Variants in KIDINS220 observed in about 807,000 individuals in gnomAD.
The protein encoded by KIDINS220 is kinase D interacting substrate 220.
In KIDINS220, 63 loss-of-function variants were observed where a neutral mutation model predicts 157.6. The observed-to-expected ratio is 0.40, with a 90% confidence interval of 0.33 to 0.49. KIDINS220 has a LOEUF of 0.49. Ranked by LOEUF, KIDINS220 falls within the 20% of genes least tolerant of loss-of-function variation. The pLI, the probability that KIDINS220 is intolerant of heterozygous loss-of-function variation, is 0.66. For missense variants in KIDINS220, 1,772 were observed against 2,171.2 expected, an observed-to-expected ratio of 0.82 and a Z score of 3.65; for synonymous variants, 732 against 783.6, an observed-to-expected ratio of 0.93 and a Z score of 1.10.
At position 8,729,546 on chromosome 2, in the gene KIDINS220, T is replaced by C; in HGVS notation, c.*1174A>G. ...CCATTCTCTTAACTCGGCTAATAAT[T>C]AATGGAAAGTACACTTTTACAGTCA... On this transcript the variant is annotated 3_prime_UTR_variant, in exon 30 of 30. Transcript: ENST00000256707. 1.0e-6 allele frequency: 1 copy of C among 980,252 alleles called. No homozygotes were observed. The highest frequency in any genetic ancestry group is 1.2e-6 in the Non-Finnish European group (1 of 825,218). The allele number at this position is 980,252 out of a possible 1,614,324, so 60.7% of individuals were successfully genotyped here.
downstream of KIDINS220, chr2:8,726,914 G>A: frequency 7.8e-7 from 1 of 1,288,948 alleles, no homozygotes. Context: ...CCTCTGAAGA[G>A]CTATCTATCT....
At chr2:8,744,407 T>TAG (rs1666246215) in intron 26 of KIDINS220, among the ~76,000 whole-genome samples, 1 of 26,812 alleles carries the variant, frequency 3.7e-5, no homozygotes, top group Non-Finnish European at 9.3e-5. Flanking sequence ...ATATAATATA[T>TAG]ATATATATAT....
At chr2:8,774,228 G>A (rs771484508) in intron 21 of KIDINS220, among the ~76,000 whole-genome samples, 3 of 151,046 alleles carry the variant, frequency 2.0e-5, no homozygotes, top group Admixed American at 6.6e-5. Flanking sequence ...CCCCGAAGGC[G>A]GAGGTTGCAG....
intron 2 of KIDINS220, among the ~76,000 whole-genome samples, chr2:8,824,454 G>A (rs1678452998): frequency 6.6e-6 from 1 of 152,140 alleles, no homozygotes; most frequent in Admixed American, 6.5e-5. Flanking sequence ...GTCGAGGCGG[G>A]CAGACAGATT....
At chr2:8,754,023 G>A (rs1441797127) in intron 22 of KIDINS220, among the ~76,000 whole-genome samples, 2 of 152,208 alleles carry the variant, frequency 1.3e-5, no homozygotes, top group Admixed American at 1.3e-4. Flanking sequence ...TGGAAAACCT[G>A]GAGAATGGTT....
At chr2:8,779,965 C>T (rs1468331211) in intron 17 of KIDINS220, 151 bp from the exon 18 acceptor site, 6 of 731,286 alleles carry the variant, frequency 8.2e-6, no homozygotes, top group South Asian at 3.8e-5. Flanking sequence ...AAAATAAGAG[C>T]GAGTGCTTCA....
intron 26 of KIDINS220, among the ~76,000 whole-genome samples, chr2:8,742,512 G>A (rs1665768078): frequency 6.6e-6 from 1 of 152,180 alleles, no homozygotes; most frequent in Non-Finnish European, 1.5e-5. Context: ...TAAAGGTAAA[G>A]GTAACAGCAC....
chr2:8,741,679 G>A (rs1275101728), intron 26 of KIDINS220, among the ~76,000 whole-genome samples: 1 of 152,114 alleles, frequency 6.6e-6, no homozygotes, highest in Non-Finnish European at 1.5e-5. Context: ...TGTACTCTAG[G>A]ATTTCATAAC....
intron 23 of KIDINS220, 53 bp downstream of exon 23, chr2:8,751,413 T>C (rs1667343412): frequency 1.4e-6 from 2 of 1,454,394 alleles, no homozygotes; most frequent in South Asian, 2.4e-5. Context: ...GTTAGAAACA[T>C]GAAAAATTCT....
chr2:8,764,744 C>T (rs1485696183), intron 22 of KIDINS220, among the ~76,000 whole-genome samples: 1 of 152,176 alleles, frequency 6.6e-6, no homozygotes, highest in East Asian at 1.9e-4. Context: ...TCATCTACCA[C>T]CTCCCCAATT....
chr2:8,756,925 C>T (rs375327301), intron 22 of KIDINS220, among the ~76,000 whole-genome samples: 54 of 152,292 alleles, frequency 3.5e-4, no homozygotes, highest in Non-Finnish European at 5.4e-4. Flanking sequence ...TCTTTCACCA[C>T]GGAGTACGAT....
chr2:8,790,512 T>C (rs1457812405), intron 13 of KIDINS220, among the ~76,000 whole-genome samples: 1 of 152,210 alleles, frequency 6.6e-6, no homozygotes, highest in Non-Finnish European at 1.5e-5. Flanking sequence ...CATTTGAGAA[T>C]ACTGTTCTTA....
Position 8,747,134 on chromosome 2 carries a change from T to C in KIDINS220, c.3585+11A>G, listed in dbSNP as rs759375180. The C allele has an allele frequency of 1.9e-6, 3 of 1,612,924 alleles. No individual in the cohort carries two copies. In the African/African-American group the frequency reaches 4.0e-5, roughly 22 times the overall value. ...ATGCCAGCGATCCACACCACAGGAC[T>C]ACTCCATTACCCTCGAGGAGTCTGT... is the stretch of plus-strand genomic sequence containing the variant. On this transcript the variant is annotated intron_variant, in intron 26 of 29. Transcript: ENST00000256707.
intron 1 of KIDINS220, among the ~76,000 whole-genome samples, chr2:8,833,451 T>C (rs926583354): frequency 4.0e-5 from 6 of 151,160 alleles, no homozygotes; most frequent in African/African-American, 1.5e-4. Flanking sequence ...AAACTTGTAA[T>C]TTACATATTT....
At chr2:8,822,076 G>A (rs574894591) in intron 2 of KIDINS220, among the ~76,000 whole-genome samples, 1 of 152,182 alleles carries the variant, frequency 6.6e-6, no homozygotes, top group East Asian at 1.9e-4. Flanking sequence ...AAACAAAACA[G>A]AACACTACGC....
intron 2 of KIDINS220, among the ~76,000 whole-genome samples, chr2:8,824,511 T>C (rs1398554806): frequency 1.3e-5 from 2 of 151,948 alleles, no homozygotes; most frequent in African/African-American, 4.8e-5. Context: ...CAAAACCCCA[T>C]CTCGACTAAG....
intron 10 of KIDINS220, among the ~76,000 whole-genome samples, chr2:8,797,837 G>C (rs1674177629): frequency 6.6e-6 from 1 of 152,112 alleles, no homozygotes; most frequent in Non-Finnish European, 1.5e-5. Flanking sequence ...AAAGAGACAG[G>C]GTCTCACTAT....
At chr2:8,767,783 T>G (rs1181435000) in intron 22 of KIDINS220, among the ~76,000 whole-genome samples, 2 of 152,242 alleles carry the variant, frequency 1.3e-5, no homozygotes, top group Non-Finnish European at 2.9e-5. Flanking sequence ...GAGAATGTCC[T>G]AAATAATGTA....
intron 2 of KIDINS220, among the ~76,000 whole-genome samples, chr2:8,821,665 G>A (rs1005964706): frequency 2.6e-5 from 4 of 152,184 alleles, no homozygotes; most frequent in African/African-American, 9.7e-5. Context: ...TTTGAGAGCT[G>A]TTCCATGCAC....
Sources: gnomAD v4.1 joint callset for allele counts (sites outside exome capture counted in the v4.1 genomes callset) on GRCh38, gnomAD v4.1.1 for gene constraint, MANE v1.5 for transcripts, NCBI Gene and HGNC (gene_info 2026-07-23, HGNC 2026-07-21) for gene names.